TJP1: variants seen among roughly 807,000 people sequenced by gnomAD.
TJP1 encodes tight junction protein ZO-1.
TJP1 carries 43 observed loss-of-function variants against 194.2 expected under a neutral mutation model. That is an observed-to-expected ratio of 0.22 (90% CI 0.17 to 0.29). TJP1 has a LOEUF of 0.29. TJP1 is among the 10% of genes least tolerant of loss of function. TJP1 has a pLI of 1.00. For synonymous variants in TJP1, 801 were observed against 779.0 expected, an observed-to-expected ratio of 1.03 and a Z score of -0.47; for missense variants, 1,971 against 2,185.7, an observed-to-expected ratio of 0.90 and a Z score of 1.96.
chr15:29,894,854 C>T (rs2053427543), intron 2 of TJP1, among the ~76,000 whole-genome samples: 2 of 152,358 alleles, frequency 1.3e-5, no homozygotes, highest in Admixed American at 6.5e-5. Context: ...ACAAGGTTTA[C>T]TGACTCTGTC....
chr15:29,714,537 CTTTTTTTTTTTTT>C (rs58378713), intron 23 of TJP1, among the ~76,000 whole-genome samples: 1 of 88,986 alleles, frequency 1.1e-5, no homozygotes, highest in Admixed American at 1.2e-4. Flanking sequence ...TGCGCCCAGC[CTTTTTTTTTTTTT>C]TTTTTTTTGA....
rs758544035 is a variant in TJP1, at chr15:29,718,436, C to A, written c.3706G>T (p.Ala1236Ser). ...AGTGGTTTGGTGTTTGAAGGCAGAG[C>A]TTCTGGCTTATGCTGAGATGAAGGT... ...LIPSSQHKPE[A>S]LPSNTKPLPP... The change falls in exon 21 of 28, where the codon GCT (alanine) becomes TCT (serine). Residue 1236 changes from alanine to serine, a missense_variant. Around this residue, in one of 5 missense-constraint regions of TJP1, gnomAD observed 1,108 missense variants for 1,128.5 expected, o/e 0.98. Coordinates refer to ENST00000614355, the MANE Select transcript of TJP1 (RefSeq NM_001330239.4). 1.2e-6 allele frequency: 2 copies of A among 1,614,046 alleles called. No individual in the cohort carries two copies. Among genetic ancestry groups the A allele is most frequent in the Non-Finnish European group, 1.7e-6 (2 of 1,180,042 alleles).
chr15:29,968,465 C>T, intron 1 of TJP1: 4 of 957,506 alleles, frequency 4.2e-6, no homozygotes, highest in Non-Finnish European at 5.0e-6. Flanking sequence ...TCAGCGGGCA[C>T]GCGGTACAAG....
intron 15 of TJP1, among the ~76,000 whole-genome samples, chr15:29,729,712 C>T (rs551006383): frequency 4.6e-4 from 69 of 150,758 alleles, no homozygotes; most frequent in African/African-American, 1.3e-3. Flanking sequence ...CCCAGCTACT[C>T]GGGAGGCTGA....
intron 23 of TJP1, among the ~76,000 whole-genome samples, chr15:29,715,847 T>C (rs2151088378): frequency 6.6e-6 from 1 of 152,306 alleles, no homozygotes. Context: ...CCTGTAACTG[T>C]GTAAATGAAT....
chr15:29,889,022 G>A (rs2053217755), intron 2 of TJP1, among the ~76,000 whole-genome samples: 1 of 152,234 alleles, frequency 6.6e-6, no homozygotes, highest in South Asian at 2.1e-4. Context: ...CCAAGACAGA[G>A]ACGCAAATCT....
At chr15:29,913,901 A>G (rs149787683) in intron 2 of TJP1, among the ~76,000 whole-genome samples, 1 of 152,352 alleles carries the variant, frequency 6.6e-6, no homozygotes, top group East Asian at 1.9e-4. Flanking sequence ...AGAGAGAGAT[A>G]AGATGTACTA....
intron 2 of TJP1, among the ~76,000 whole-genome samples, chr15:29,907,869 G>A (rs934308794): frequency 1.3e-5 from 2 of 151,470 alleles, no homozygotes; most frequent in South Asian, 2.1e-4. Flanking sequence ...TCCTTTGCTT[G>A]CATAACAAAG....
chr15:29,869,192 C>T (rs1432410620), intron 2 of TJP1, among the ~76,000 whole-genome samples: 2 of 152,046 alleles, frequency 1.3e-5, no homozygotes, highest in East Asian at 1.9e-4. Flanking sequence ...TAAGAGAAAG[C>T]GAGGGTGAAC....
intron 23 of TJP1, among the ~76,000 whole-genome samples, chr15:29,711,938 C>A (rs945174061): frequency 6.6e-6 from 1 of 152,192 alleles, no homozygotes; most frequent in African/African-American, 2.4e-5. Flanking sequence ...TTACCAGGTC[C>A]ATTTTTTGGT....
intron 2 of TJP1, among the ~76,000 whole-genome samples, chr15:29,858,142 C>T (rs1472974240): frequency 6.6e-6 from 1 of 152,154 alleles, no homozygotes; most frequent in Non-Finnish European, 1.5e-5. Flanking sequence ...GTCTTACTCC[C>T]GTAATCTCAA....
intron 8 of TJP1, among the ~76,000 whole-genome samples, chr15:29,755,089 T>C (rs949277277): frequency 3.3e-5 from 5 of 152,194 alleles, no homozygotes; most frequent in South Asian, 2.1e-4. Context: ...AATACTGTAG[T>C]TGTACTGTCC....
At chr15:29,734,828 T>C (rs1213155991) in intron 11 of TJP1, among the ~76,000 whole-genome samples, 4 of 152,066 alleles carry the variant, frequency 2.6e-5, no homozygotes, top group Non-Finnish European at 5.9e-5. Flanking sequence ...TATTTTACTT[T>C]GGAGAAAAGA....
chr15:29,725,413 T>C (rs937300728), intron 18 of TJP1, among the ~76,000 whole-genome samples: 2 of 152,070 alleles, frequency 1.3e-5, no homozygotes, highest in African/African-American at 2.4e-5. Context: ...AGAGCATCTG[T>C]AGCCACAGCC....
chr15:29,789,853 C>T (rs1225264113), intron 2 of TJP1, among the ~76,000 whole-genome samples: 2 of 152,212 alleles, frequency 1.3e-5, no homozygotes, highest in Non-Finnish European at 2.9e-5. Context: ...TCAGAGAGAA[C>T]AAGCTTTCTG....
chr15:29,731,068 A>G, intron 15 of TJP1: 3 of 793,556 alleles, frequency 3.8e-6, no homozygotes, highest in South Asian at 2.9e-5. Flanking sequence ...AAAATGCAGA[A>G]TTTTGTTTTA....
At chr15:29,709,606 G>A (rs542063244) in intron 24 of TJP1, among the ~76,000 whole-genome samples, 15 of 152,266 alleles carry the variant, frequency 9.9e-5, no homozygotes, top group South Asian at 2.1e-4. Context: ...TCCACAGTAC[G>A]AGAAGAAAAA....
chr15:29,769,637 G>A (rs545293464), intron 4 of TJP1, among the ~76,000 whole-genome samples: 4 of 152,208 alleles, frequency 2.6e-5, no homozygotes, highest in African/African-American at 7.2e-5. Flanking sequence ...CGGACAGCAC[G>A]TACTGCAGGG....
intron 22 of TJP1, 67 bp from the exon 23 acceptor site, chr15:29,716,905 TGTAA>T (rs2151097704): frequency 2.2e-6 from 3 of 1,373,384 alleles, no homozygotes; most frequent in Non-Finnish European, 3.0e-6. Flanking sequence ...AAGTAGAATA[TGTAA>T]GTCTTATCTT....
Sources: gnomAD v4.1 joint callset for allele counts (sites outside exome capture counted in the v4.1 genomes callset) on GRCh38, gnomAD v4.1.1 for gene constraint, gnomAD v4.1.1 regional missense constraint, MANE v1.5 for transcripts, NCBI Gene and HGNC (gene_info 2026-07-23, HGNC 2026-07-21) for gene names.